The following MCOLN3 variants were observed in gnomAD, a reference collection of about 807,000 sequenced individuals.
MCOLN3 encodes the protein mucolipin-3.
Under a neutral mutation model 69.4 loss-of-function variants are expected in MCOLN3, and 62 were observed. The ratio of observed to expected loss-of-function variants is 0.89; its 90% CI spans 0.73 to 1.10. MCOLN3 has a LOEUF of 1.10. Among genes scored for constraint, MCOLN3 ranks in the 50% least tolerant of loss-of-function variants. The pLI is 0.00. For synonymous variants in MCOLN3, 183 were observed against 217.0 expected (o/e 0.84, Z 1.38); for missense variants, 564 against 656.4 (o/e 0.86, Z 1.54).
At chr1:85,029,312 T>G (rs920836609) in intron 6 of MCOLN3, 107 bp from the exon 7 acceptor site, 5 of 662,092 alleles carry the variant, frequency 7.6e-6, no homozygotes, top group African/African-American at 3.6e-5. Context: ...GAGACCCAGA[T>G]TCTCAACTCT....
chr1:85,027,777 A>G (rs1251337515), intron 7 of MCOLN3, among the ~76,000 whole-genome samples: 1 of 152,186 alleles, frequency 6.6e-6, no homozygotes, highest in Non-Finnish European at 1.5e-5. Flanking sequence ...AGCCACCCTT[A>G]TGGAGATTTT....
chr1:85,018,197 T>G lies in MCOLN3; in HGVS notation c.*926A>C, dbSNP rs2085726415. 1 of 152,196 alleles carries G rather than the reference T, an allele frequency of 6.6e-6. No individual in the cohort carries two copies. The highest frequency in any genetic ancestry group is 2.4e-5 in the African/African-American group (1 of 41,454). 9.4% of individuals were successfully genotyped at this position (152,196 alleles called of 1,614,324 possible). A position where few individuals can be genotyped will look rare whatever the true frequency, so the allele number is the denominator to read the frequency against. On this transcript the variant is annotated 3_prime_UTR_variant, in exon 13 of 13. Coordinates refer to ENST00000370589, the MANE Select transcript of MCOLN3 (RefSeq NM_018298.11). Reference sequence around the variant, plus strand: ...ATGAGTATTTAAAAGCCTGATCCTCTTAAGAACTAAAAGCAGAATCAAGTA... The same window carrying G: ...ATGAGTATTTAAAAGCCTGATCCTCGTAAGAACTAAAAGCAGAATCAAGTA...
Position 85,041,177 on chromosome 1 carries a change from G to A in MCOLN3, c.229C>T (p.Leu77=), listed in dbSNP as rs1175845157. 3.7e-6 allele frequency: 6 copies of A among 1,609,346 alleles called. No homozygotes were observed. The highest frequency in any genetic ancestry group is 5.1e-6 in the Non-Finnish European group (6 of 1,178,582). Residue 77 remains leucine, a splice_region_variant and synonymous_variant, in exon 3 of 13, where the codon CTG becomes TTG. Coordinates refer to ENST00000370589, the MANE Select transcript of MCOLN3 (RefSeq NM_018298.11). ...TGGTTACTTAGCCCAAATAAGACCA[G>A]CTTAAAAGAAAAAAAAGAAAAGGTA... ...ILKIAMVTIQ[L]VLFGLSNQMV...
chr1:85,038,758 A>G (rs771394949), intron 3 of MCOLN3, among the ~76,000 whole-genome samples: 43 of 152,190 alleles, frequency 2.8e-4, no homozygotes, highest in Non-Finnish European at 4.4e-4. Flanking sequence ...TGGGAGGCCA[A>G]GGCGGGCAGA....
intron 9 of MCOLN3, chr1:85,025,648 G>T (rs1652177502): frequency 7.6e-6 from 2 of 263,196 alleles, no homozygotes; most frequent in East Asian, 2.1e-4. Flanking sequence ...TTTGGTGTGT[G>T]TAAGAATTCA....
rs1444499610 is a variant in MCOLN3 at position 85,027,759 on chromosome 1, T to C, written c.832+1347A>G. Among the ~76,000 whole-genome samples the C allele has an allele frequency of 2.0e-5, 3 of 152,120 alleles. No homozygotes were observed. The South Asian group carries it at 6.2e-4, about 32-fold the overall frequency. ...GGGGTTTTAGCTGAAACCTGAGTGA[T>C]AAGAAAGAGCCACCCTTATGGAGAT... is the stretch of plus-strand genomic sequence containing the variant. On this transcript the variant is annotated intron_variant, in intron 7 of 12. Coordinates refer to ENST00000370589, the MANE Select transcript of MCOLN3 (RefSeq NM_018298.11).
intron 9 of MCOLN3, 155 bp from the exon 10 acceptor site, chr1:85,022,555 T>C: frequency 1.8e-6 from 1 of 550,104 alleles, no homozygotes; most frequent in East Asian, 3.1e-5. Flanking sequence ...TACATTCTAG[T>C]GGAGGGAAGA....
At chr1:85,040,977 T>C (rs748794189) in intron 3 of MCOLN3, 33 bp downstream of exon 3, 14 of 1,606,232 alleles carry the variant, frequency 8.7e-6, no homozygotes, top group Middle Eastern at 1.9e-4. Context: ...TCTGTTCTTT[T>C]TCCCAAGTAA....
chr1:85,045,142 C>A lies in MCOLN3; in HGVS notation c.219G>T (p.Val73=), dbSNP rs768883065. The A allele has an allele frequency of 1.2e-6, 2 of 1,613,212 alleles. No homozygotes were observed. The highest frequency in any genetic ancestry group is 1.7e-5 in the Admixed American group (1 of 59,972). ...LAIQILKIAM[V]TIQLVLFGLS... ...GATCTGAGATGCTTACCTGGATAGT[C>A]ACCATTGCAATTTTTAGAATTTGTA... is the stretch of plus-strand genomic sequence containing the variant. The change falls in exon 2 of 13, where the codon GTG becomes GTT. Residue 73 remains valine, a synonymous_variant. Transcript: ENST00000370589.
Position 85,032,682 on chromosome 1 carries a change from T to A in MCOLN3, c.732+14A>T, listed in dbSNP as rs769825193. 7 of 1,591,536 alleles carry A rather than the reference T, an allele frequency of 4.4e-6. No individual in the cohort carries two copies. Among genetic ancestry groups the A allele is most frequent in the African/African-American group, 2.7e-5 (2 of 74,534 alleles). ...CTCCAGACTGGAACCAAATTCAGCC[T>A]GGCCCACACTTACAGTCAGAGTAAA... On this transcript the variant is annotated intron_variant, in intron 6 of 12. Transcript: ENST00000370589.
chr1:85,029,298 A>G (rs973632772), intron 6 of MCOLN3, 93 bp from the exon 7 acceptor site: 1 of 724,546 alleles, frequency 1.4e-6, no homozygotes, highest in African/African-American at 1.8e-5. Flanking sequence ...TTTCAAGGGG[A>G]CAGGAGACCC....
intron 2 of MCOLN3, among the ~76,000 whole-genome samples, chr1:85,044,927 C>T (rs936330697): frequency 6.6e-5 from 10 of 151,790 alleles, no homozygotes; most frequent in Admixed American, 4.6e-4. Flanking sequence ...ACTTAGCGAA[C>T]GATACAAGAA....
rs560503935 is a variant in MCOLN3 at position 85,045,374 on chromosome 1, A to C, written c.-2-12T>G. On this transcript the variant is annotated splice_polypyrimidine_tract_variant and intron_variant, in intron 1 of 12. Coordinates refer to ENST00000370589, the MANE Select transcript of MCOLN3 (RefSeq NM_018298.11). ...AGGATCTGCCATCTCTAGAGGAAAA[A>C]AACAACAACAACAACAACCAACATT... The C allele has an allele frequency of 1.3e-3, 2,089 of 1,576,142 alleles. 5 individuals carry two copies. Among genetic ancestry groups the C allele is most frequent in the Middle Eastern group, 5.6e-3 (33 of 5,924 alleles).
At chr1:85,048,060 G>C (rs1368176189) in intron 1 of MCOLN3, among the ~76,000 whole-genome samples, 1 of 152,242 alleles carries the variant, frequency 6.6e-6, no homozygotes, top group Non-Finnish European at 1.5e-5. Flanking sequence ...GGGGCTCCGG[G>C]CGGGGGTGGC....
At chr1:85,047,104 T>C (rs2102949053) in intron 1 of MCOLN3, among the ~76,000 whole-genome samples, 1 of 152,322 alleles carries the variant, frequency 6.6e-6, no homozygotes, top group East Asian at 1.9e-4. Flanking sequence ...ATGATGAAGC[T>C]GTTAATAAGC....
Position 85,032,764 on chromosome 1 carries a change from G to T in MCOLN3, c.664C>A (p.Leu222Met), listed in dbSNP as rs758712947. 63 of 1,614,134 alleles carry T rather than the reference G, an allele frequency of 3.9e-5. 1 individual carries two copies. In the South Asian group the frequency reaches 6.8e-4, roughly 17 times the overall value. The change falls in exon 6 of 13, where the codon CTG (leucine) becomes ATG (methionine). Residue 222 changes from leucine to methionine, a missense_variant. Leu to Met is a conservative substitution (Grantham distance 15). Transcript: ENST00000370589. ...ACTGTCTGCAGATTAATGGCTTTCA[G>T]TTTAAACTGAAGCTCCACTGTTAGG... The part of the protein sequence containing the change: ...RLLTVELQFK[L>M]KAINLQTVRH...
In MCOLN3 at chr1:85,019,192, T is replaced by C. The variant is rs1390064956; in HGVS notation, c.1593A>G (p.Leu531=). The C allele has an allele frequency of 6.8e-6, 11 of 1,613,370 alleles. No individual in the cohort carries two copies. The highest frequency in any genetic ancestry group is 1.7e-5 in the Admixed American group (1 of 59,998). The part of the protein sequence containing the change: ...LRTFISECKD[L]PNSGKYRLED... ...CTAATCTGTATTTTCCAGAGTTGGG[T>C]AGATCTTTGCATTCTGATATAAATG... Residue 531 remains leucine (L), a synonymous_variant, in exon 13 of 13, where the codon CTA becomes CTG. Coordinates refer to ENST00000370589, the MANE Select transcript of MCOLN3 (RefSeq NM_018298.11).
chr1:85,044,662 C>T (rs1221406369), intron 2 of MCOLN3, among the ~76,000 whole-genome samples: 1 of 152,204 alleles, frequency 6.6e-6, no homozygotes, highest in Non-Finnish European at 1.5e-5. Context: ...TGTTAGTTAA[C>T]TTCACATTCT....
chr1:85,032,607 A>C, intron 6 of MCOLN3, 89 bp downstream of exon 6: 3 of 947,222 alleles, frequency 3.2e-6, no homozygotes, highest in Non-Finnish European at 5.1e-6. Flanking sequence ...ATATTTTTTT[A>C]TCACACCGTA....
Sources: allele counts gnomAD v4.1 joint callset (sites outside exome capture counted in the v4.1 genomes callset), GRCh38; gene constraint gnomAD v4.1.1; transcripts MANE v1.5; gene names NCBI Gene and HGNC (gene_info 2026-07-23, HGNC 2026-07-21).